Variants in SPTAN1 observed in about 807,000 individuals in gnomAD.
SPTAN1 encodes the protein spectrin alpha chain, non-erythrocytic 1.
Under a neutral mutation model 331.3 loss-of-function variants are expected in SPTAN1, and 61 were observed. The ratio of observed to expected loss-of-function variants is 0.18; its 90% CI spans 0.15 to 0.23. SPTAN1 has a LOEUF of 0.23. Among genes scored for constraint, SPTAN1 ranks in the 10% least tolerant of loss-of-function variants. The pLI is 1.00. For synonymous variants in SPTAN1, 1,153 were observed against 1,173.9 expected (o/e 0.98, Z 0.36); for missense variants, 2,043 against 3,147.9 (o/e 0.65, Z 8.40).
rs940176515 is a variant in SPTAN1 at position 128,579,637 on chromosome 9, G to T, written c.1222G>T (p.Gly408Cys). The T allele has an allele frequency of 1.2e-6, 2 of 1,613,444 alleles. No homozygotes were observed. Among genetic ancestry groups the T allele is most frequent in the Non-Finnish European group, 8.5e-7 (1 of 1,179,518 alleles). Residue 408 changes from glycine to cysteine, a missense_variant and splice_region_variant, in exon 10 of 57, where the codon GGT becomes TGT. This residue lies in a region of SPTAN1 where 1,038 missense variants were observed against 1,531.5 expected (regional missense o/e 0.68). Transcript: ENST00000372739. ...ATGGCTTTGTTTTTTTCTCCTGTAGGGTGAAATTGATGCCCATGAAGACAG... is the reference window on the plus strand; with the variant it reads ...ATGGCTTTGTTTTTTTCTCCTGTAGTGTGAAATTGATGCCCATGAAGACAG... ...ALLDRHQEHK[G>C]EIDAHEDSFK...
intron 9 of SPTAN1, 90 bp from the exon 10 acceptor site, chr9:128,579,546 TG>T: frequency 1.1e-6 from 1 of 950,844 alleles, no homozygotes; most frequent in Non-Finnish European, 1.7e-6. Context: ...TGTCATAGTC[TG>T]GCTTATAATG....
At position 128,625,187 on chromosome 9, in the gene SPTAN1, C is replaced by G. The variant is rs1199268992; in HGVS notation, c.6069+8C>G. 1 of 1,613,906 alleles carries G rather than the reference C, an allele frequency of 6.2e-7. No individual in the cohort carries two copies. The highest frequency in any genetic ancestry group is 2.2e-5 in the East Asian group (1 of 44,896). On this transcript the variant is annotated splice_region_variant and intron_variant, in intron 47 of 56. Transcript: ENST00000372739. The surrounding 1 kb of genome is among the most constrained non-coding windows in gnomAD (Gnocchi z 4.1). ...ACGCTCCTCACCAAACAGGTCTGCC[C>G]TGGCCCCTTCACTGGTTGAAATGTA... is the stretch of plus-strand genomic sequence containing the variant.
chr9:128,568,161 G>A (rs923061890), intron 2 of SPTAN1, among the ~76,000 whole-genome samples: 8 of 152,274 alleles, frequency 5.3e-5, no homozygotes, highest in African/African-American at 1.9e-4. Context: ...CAGTAGTTGG[G>A]CCCATGGATT....
chr9:128,568,809 T>G lies in SPTAN1; in HGVS notation c.275T>G (p.Val92Gly). ...AAGCATCAAGCATTTGAAGCTGAAG[T>G]GCAGGCCAACTCAGGAGCCATTGTT... The part of the protein sequence containing the change: ...LQKHQAFEAE[V>G]QANSGAIVKL... The change falls in exon 3 of 57, where the codon GTG (valine) becomes GGG (glycine). Residue 92 changes from valine (V) to glycine (G), a missense_variant. Coordinates refer to ENST00000372739, the MANE Select transcript of SPTAN1 (RefSeq NM_001130438.3). 1 of 1,614,142 alleles carries G rather than the reference T, an allele frequency of 6.2e-7. No individual in the cohort carries two copies. Among genetic ancestry groups the G allele is most frequent in the Non-Finnish European group, 8.5e-7 (1 of 1,180,008 alleles).
rs951605834 is a variant in SPTAN1 at position 128,621,045 on chromosome 9, G to A, written c.5734-113G>A. ...TATTATCCTCTTCCCCAGCTAGACT[G>A]TAATGTGTGCATGGACAGGGACCAT... On this transcript the variant is annotated intron_variant, in intron 44 of 56. Transcript: ENST00000372739. 4 of 829,824 alleles carry A rather than the reference G, an allele frequency of 4.8e-6. No homozygotes were observed. In the African/African-American group the frequency reaches 6.7e-5, roughly 14 times the overall value. The allele number at this position is 829,824 out of a possible 1,614,324, so 51.4% of individuals were successfully genotyped here.
chr9:128,582,894 T>C (rs755232081), intron 14 of SPTAN1, 45 bp downstream of exon 14: 46 of 1,608,302 alleles, frequency 2.9e-5, no homozygotes, highest in Non-Finnish European at 3.6e-5. Flanking sequence ...ATTAGTAAGC[T>C]AAACACAGCT....
Position 128,625,235 on chromosome 9 carries a change from A to C in SPTAN1, c.6069+56A>C. The C allele has an allele frequency of 6.5e-7, 1 of 1,548,876 alleles. No homozygotes were observed. The highest frequency in any genetic ancestry group is 8.9e-7 in the Non-Finnish European group (1 of 1,121,744). On this transcript the variant is annotated intron_variant, in intron 47 of 56. Coordinates refer to ENST00000372739, the MANE Select transcript of SPTAN1 (RefSeq NM_001130438.3). The surrounding 1 kb of genome is among the most constrained non-coding windows in gnomAD (Gnocchi z 4.1). ...GTATGCAGATAGCATCTGTGAGATG[A>C]CTGGTGGCGTCTTTCACTGAGGCAT...
rs1589415780 is a variant in SPTAN1 at position 128,632,117 on chromosome 9, A to C, written c.6763-10A>C. 1 of 1,612,352 alleles carries C rather than the reference A, an allele frequency of 6.2e-7. No homozygotes were observed. The highest frequency in any genetic ancestry group is 8.5e-7 in the Non-Finnish European group (1 of 1,179,726). ...CCCCGTCTGAGCATCTGTGCTCCCC[A>C]CCCCTGCAGCGCAAGCACCAGGAAA... On this transcript the variant is annotated splice_polypyrimidine_tract_variant and intron_variant, in intron 52 of 56. Coordinates refer to ENST00000372739, the MANE Select transcript of SPTAN1 (RefSeq NM_001130438.3).
chr9:128,613,448 A>G lies in SPTAN1; in HGVS notation c.5111A>G (p.Lys1704Arg). Reference protein sequence around the residue: ...DLASVNNLLKKHQLLEADISA... With the variant: ...DLASVNNLLKRHQLLEADISA... ...GCTTCTGTGAACAACCTGCTGAAAAAGCATCAACTGCTGGAAGCAGATATA... is the reference window on the plus strand; with the variant it reads ...GCTTCTGTGAACAACCTGCTGAAAAGGCATCAACTGCTGGAAGCAGATATA... The change falls in exon 40 of 57, where the codon AAG (lysine) becomes AGG (arginine). Residue 1704 changes from lysine (K) to arginine (R), a missense_variant. Coordinates refer to ENST00000372739, the MANE Select transcript of SPTAN1 (RefSeq NM_001130438.3). 6.2e-7 allele frequency: 1 copy of G among 1,614,278 alleles called. No homozygotes were observed. The highest frequency in any genetic ancestry group is 8.5e-7 in the Non-Finnish European group (1 of 1,180,050).
intron 21 of SPTAN1, among the ~76,000 whole-genome samples, chr9:128,590,332 G>A (rs1294797573): frequency 6.6e-6 from 1 of 152,148 alleles, no homozygotes; most frequent in Non-Finnish European, 1.5e-5. Context: ...TGCTGCTTCT[G>A]CAGTAACTAC....
chr9:128,609,416 A>C, intron 36 of SPTAN1, 132 bp downstream of exon 36: 1 of 1,398,420 alleles, frequency 7.2e-7, no homozygotes. Context: ...CAGTAAGCCC[A>C]GCCAGTGGGA....
At chr9:128,589,575 C>CTTT (rs57225212) in intron 21 of SPTAN1, among the ~76,000 whole-genome samples, 1 of 106,500 alleles carries the variant, frequency 9.4e-6, no homozygotes, top group African/African-American at 3.7e-5. Context: ...CGTGCCCGGC[C>CTTT]TTTTTTTTTT....
chr9:128,563,635 T>C (rs552260526), intron 1 of SPTAN1, among the ~76,000 whole-genome samples: 1 of 152,242 alleles, frequency 6.6e-6, no homozygotes, highest in East Asian at 1.9e-4. Context: ...GCTCTCTCCC[T>C]ACCCCTTACA....
At position 128,633,452 on chromosome 9, in the gene SPTAN1, G is replaced by GACTT. The variant is rs1250139014; in HGVS notation, c.*120_*123dup. ...CTTAAGCCTGCTTAGCTTGGAATAA[G>GACTT]ACTTAGGAGAAAATGGTGCTTCACT... On this transcript the variant is annotated 3_prime_UTR_variant, in exon 57 of 57. Transcript: ENST00000372739. 19 of 1,545,636 alleles carry GACTT rather than the reference G, an allele frequency of 1.2e-5. No homozygotes were observed. The highest frequency in any genetic ancestry group is 1.0e-4 in the Admixed American group (6 of 59,504).
At chr9:128,606,099 CGGT>C (rs1219089872) in intron 31 of SPTAN1, among the ~76,000 whole-genome samples, 1 of 151,868 alleles carries the variant, frequency 6.6e-6, no homozygotes, top group Non-Finnish European at 1.5e-5. Context: ...CAGCCGGGCA[CGGT>C]GGCTCACGCC....
intron 9 of SPTAN1, 92 bp from the exon 10 acceptor site, chr9:128,579,545 C>A: frequency 1.1e-6 from 1 of 946,352 alleles, no homozygotes; most frequent in Non-Finnish European, 1.7e-6. Flanking sequence ...ATGTCATAGT[C>A]TGGCTTATAA....
At chr9:128,590,427 G>A (rs1853316691) in intron 21 of SPTAN1, among the ~76,000 whole-genome samples, 2 of 151,896 alleles carry the variant, frequency 1.3e-5, no homozygotes, top group Non-Finnish European at 2.9e-5. Flanking sequence ...GATGAAGCCG[G>A]GCATGGTGGC....
At chr9:128,618,542 G>A (rs1025127095) in intron 43 of SPTAN1, among the ~76,000 whole-genome samples, 2 of 152,026 alleles carry the variant, frequency 1.3e-5, no homozygotes, top group African/African-American at 4.8e-5. Flanking sequence ...GGAGTGCAGT[G>A]GCACAATCTC....
At position 128,629,997 on chromosome 9, in the gene SPTAN1, T is replaced by C; in HGVS notation, c.6708-324T>C. 2.3e-6 allele frequency: 1 copy of C among 439,404 alleles called. No individual in the cohort carries two copies. The highest frequency in any genetic ancestry group is 7.1e-4 in the Middle Eastern group (1 of 1,404). 27.2% of individuals were successfully genotyped at this position (439,404 alleles called of 1,614,324 possible). ...CCCCACATGGCTGCAGAGAGGATGCTCAGACAGGCCTGCAGCCACCCTGCA... is the reference window on the plus strand; with the variant it reads ...CCCCACATGGCTGCAGAGAGGATGCCCAGACAGGCCTGCAGCCACCCTGCA... On this transcript the variant is annotated intron_variant, in intron 51 of 56. Coordinates refer to ENST00000372739, the MANE Select transcript of SPTAN1 (RefSeq NM_001130438.3). This position sits in a 1 kb window ranked among gnomAD's most constrained non-coding sequence, Gnocchi z 4.9.
Sources: gnomAD v4.1 joint callset for allele counts (sites outside exome capture counted in the v4.1 genomes callset) on GRCh38, gnomAD v4.1.1 for gene constraint, gnomAD v4.1.1 regional missense constraint, Gnocchi (gnomAD v3.1) non-coding constraint, MANE v1.5 for transcripts, NCBI Gene and HGNC (gene_info 2026-07-23, HGNC 2026-07-21) for gene names.